SLC44A5: variants seen among roughly 807,000 people sequenced by gnomAD.
SLC44A5 encodes choline transporter-like protein 5.
Under a neutral mutation model 101.8 loss-of-function variants are expected in SLC44A5, and 57 were observed. The ratio of observed to expected loss-of-function variants is 0.56; its 90% CI spans 0.45 to 0.70. The LOEUF (loss-of-function observed/expected upper bound fraction) is 0.70, where lower values mean the gene tolerates loss of function less well. Ranked by LOEUF, SLC44A5 falls within the 30% of genes least tolerant of loss-of-function variation. The pLI is 0.00. For missense variants in SLC44A5, 737 were observed against 853.1 expected, an observed-to-expected ratio of 0.86 and a Z score of 1.70; for synonymous variants, 281 against 290.9, an observed-to-expected ratio of 0.97 and a Z score of 0.35.
the SLC44A5 span, among the ~76,000 whole-genome samples, chr1:75,620,747 T>C: frequency 6.6e-6 from 1 of 152,190 alleles, no homozygotes; most frequent in Admixed American, 6.5e-5. Context: ...GTCAGATGGA[T>C]AGATAGCAAA....
At chr1:75,520,304 G>T (rs185905673) in intron 2 of SLC44A5, among the ~76,000 whole-genome samples, 15 of 152,218 alleles carry the variant, frequency 9.9e-5, no homozygotes, top group Admixed American at 8.5e-4. Flanking sequence ...GACCAGCCTG[G>T]GCAACATAGT....
intron 4 of SLC44A5, among the ~76,000 whole-genome samples, chr1:75,302,104 G>GTTTTTTTTATTTTTTTTT (rs1204998592): frequency 2.0e-5 from 1 of 49,590 alleles, no homozygotes; most frequent in Non-Finnish European, 3.4e-5. Context: ...AGGTGCTCTA[G>GTTTTTTTTATTTTTTTTT]TTTTTTTGTT....
chr1:75,712,667 A>G, the SLC44A5 span, among the ~76,000 whole-genome samples: 1 of 136,540 alleles, frequency 7.3e-6, no homozygotes, highest in African/African-American at 2.8e-5. Flanking sequence ...TTCTATTACT[A>G]TTGCTACAGA....
At chr1:75,480,795 A>G (rs1259472239) in intron 2 of SLC44A5, among the ~76,000 whole-genome samples, 1 of 152,188 alleles carries the variant, frequency 6.6e-6, no homozygotes, top group Non-Finnish European at 1.5e-5. Flanking sequence ...TCATTGGTAG[A>G]AAGAATCAAC....
chr1:75,693,781 T>C, the SLC44A5 span, among the ~76,000 whole-genome samples: 1 of 151,800 alleles, frequency 6.6e-6, no homozygotes, highest in Non-Finnish European at 1.5e-5. Flanking sequence ...GAAAACCAAG[T>C]GAAGAAAGTG....
At chr1:75,217,633 A>T (rs552668354) in intron 18 of SLC44A5, among the ~76,000 whole-genome samples, 1 of 152,224 alleles carries the variant, frequency 6.6e-6, no homozygotes, top group East Asian at 1.9e-4. Context: ...TGGCTTCCAC[A>T]GCTTAACAAA....
intron 5 of SLC44A5, among the ~76,000 whole-genome samples, chr1:75,299,840 C>T (rs1204286434): frequency 7.7e-6 from 1 of 129,294 alleles, no homozygotes; most frequent in Non-Finnish European, 1.7e-5. Flanking sequence ...GAAACCTTGT[C>T]TCTACTAAAA....
At chr1:75,230,079 T>C (rs944844891) in intron 12 of SLC44A5, among the ~76,000 whole-genome samples, 1 of 152,228 alleles carries the variant, frequency 6.6e-6, no homozygotes, top group Non-Finnish European at 1.5e-5. Context: ...TTTCAGTTCA[T>C]TAATTCTCTA....
intron 11 of SLC44A5, 138 bp downstream of exon 11, chr1:75,236,849 G>T: frequency 2.0e-6 from 1 of 506,774 alleles, no homozygotes; most frequent in Non-Finnish European, 3.7e-6. Flanking sequence ...GGCAGGAACT[G>T]ACATCTGAGT....
intron 4 of SLC44A5, among the ~76,000 whole-genome samples, chr1:75,327,354 C>CAACTGA (rs1656678890): frequency 6.6e-6 from 1 of 152,118 alleles, no homozygotes; most frequent in South Asian, 2.1e-4. Flanking sequence ...GTTCAACAAG[C>CAACTGA]AACTGAAATC....
intron 5 of SLC44A5, among the ~76,000 whole-genome samples, chr1:75,287,073 C>G (rs139302941): frequency 6.6e-6 from 1 of 152,204 alleles, no homozygotes; most frequent in Non-Finnish European, 1.5e-5. Context: ...CTTGTGAACA[C>G]AAATTATTCT....
the SLC44A5 span, among the ~76,000 whole-genome samples, chr1:75,680,345 T>A: frequency 1.3e-5 from 2 of 152,026 alleles, no homozygotes; most frequent in Non-Finnish European, 1.5e-5. Flanking sequence ...ATTCCAAAAT[T>A]GACCACATAC....
At chr1:75,345,115 A>C (rs928096142) in intron 3 of SLC44A5, among the ~76,000 whole-genome samples, 27 of 151,588 alleles carry the variant, frequency 1.8e-4, no homozygotes, top group Admixed American at 8.5e-4. Flanking sequence ...CCAGCAAATC[A>C]CTTTAGATAA....
chr1:75,696,068 C>T, the SLC44A5 span, among the ~76,000 whole-genome samples: 1 of 151,838 alleles, frequency 6.6e-6, no homozygotes, highest in Non-Finnish European at 1.5e-5. Flanking sequence ...ACTGCAGTAA[C>T]CAAGAACTCC....
At chr1:75,414,886 A>G (rs766275955) in intron 2 of SLC44A5, among the ~76,000 whole-genome samples, 14 of 152,210 alleles carry the variant, frequency 9.2e-5, no homozygotes, top group Non-Finnish European at 1.6e-4. Context: ...GGGGCCTTGT[A>G]GGCTAGAATT....
the SLC44A5 span, among the ~76,000 whole-genome samples, chr1:75,681,327 T>A: frequency 7.2e-5 from 11 of 152,194 alleles, no homozygotes; most frequent in Non-Finnish European, 1.6e-4. Flanking sequence ...TAGACCAATA[T>A]TCTTGATGAA....
At chr1:75,679,227 G>A in the SLC44A5 span, among the ~76,000 whole-genome samples, 2 of 152,044 alleles carry the variant, frequency 1.3e-5, no homozygotes, top group South Asian at 4.2e-4. Flanking sequence ...ATCTAGCAAG[G>A]CAGGCCAACG....
At chr1:75,283,167 A>ATTT (rs34311674) in intron 5 of SLC44A5, among the ~76,000 whole-genome samples, 3,594 of 150,522 alleles carry the variant, frequency 0.024, 78 homozygotes, top group African/African-American at 0.046. Context: ...ATCAGCATCT[A>ATTT]TTTTTTTTTT....
chr1:75,294,293 G>C (rs923207365), intron 5 of SLC44A5, among the ~76,000 whole-genome samples: 1 of 152,172 alleles, frequency 6.6e-6, no homozygotes, highest in African/African-American at 2.4e-5. Context: ...AGGATGCCTA[G>C]TGAGGTACAG....
Sources: gnomAD v4.1 joint callset for allele counts (sites outside exome capture counted in the v4.1 genomes callset) on GRCh38, gnomAD v4.1.1 for gene constraint, MANE v1.5 for transcripts, NCBI Gene and HGNC (gene_info 2026-07-23, HGNC 2026-07-21) for gene names.